Variants in CCBE1 observed in about 807,000 individuals in gnomAD.
The protein encoded by CCBE1 is collagen and calcium binding EGF domains 1.
A neutral mutation model predicts 50.0 loss-of-function variants in CCBE1; 37 were observed. That is an observed-to-expected ratio of 0.74 (90% CI 0.57 to 0.97). The LOEUF is 0.97. Among genes scored for constraint, CCBE1 ranks in the 50% least tolerant of loss-of-function variants. CCBE1 has a pLI of 0.00. For synonymous variants in CCBE1, 234 were observed against 203.7 expected, an observed-to-expected ratio of 1.15 and a Z score of -1.27; for missense variants, 538 against 523.8, an observed-to-expected ratio of 1.03 and a Z score of -0.26.
At chr18:59,697,616 TTG>T, upstream of CCBE1, 1 of 453,712 alleles carries the variant, frequency 2.2e-6, no homozygotes, top group South Asian at 2.6e-5. Flanking sequence ...GAGGTTCAAG[TTG>T]TCTCGTCGGG....
intron 2 of CCBE1, among the ~76,000 whole-genome samples, chr18:59,643,462 T>A (rs12957543): frequency 0.45 from 68,675 of 151,894 alleles, 17,189 homozygotes; most frequent in Non-Finnish European, 0.56. Flanking sequence ...GGATGGAAGG[T>A]GTTCTTTGTT....
chr18:59,442,936 A>T (rs868627276), intron 7 of CCBE1, among the ~76,000 whole-genome samples: 6 of 151,968 alleles, frequency 3.9e-5, no homozygotes, highest in African/African-American at 1.5e-4. Context: ...TCCCCTGCCC[A>T]GCTCCCTTCT....
Position 59,586,594 on chromosome 18 carries a change from G to T in CCBE1, c.213-106356C>A, listed in dbSNP as rs145170680. Among the ~76,000 whole-genome samples, 5 of 152,260 alleles carry T rather than the reference G, an allele frequency of 3.3e-5. No individual in the cohort carries two copies. The East Asian group carries it at 9.6e-4, about 29-fold the overall frequency. ...ATCAGAAATGTAATACTCTCCTACG[G>T]CCAAGGAGGAAAGAACATCTGCGAT... is the stretch of plus-strand genomic sequence containing the variant. On this transcript the variant is annotated intron_variant, in intron 2 of 10. Coordinates refer to ENST00000439986, the MANE Select transcript of CCBE1 (RefSeq NM_133459.4).
Position 59,599,355 on chromosome 18 carries a change from G to A in CCBE1, c.212+97274C>T, listed in dbSNP as rs138679245. On this transcript the variant is annotated intron_variant, in intron 2 of 10. Transcript: ENST00000439986. ...AAGATAATATATATGCAAGCACTCA[G>A]TTGAGAAAACATGCAGTTTGGAATC... 7.0e-3 allele frequency among the ~76,000 whole-genome samples: 1,060 copies of A among 152,276 alleles called. 11 individuals are homozygous for A. Among genetic ancestry groups the A allele is most frequent in the African/African-American group, 0.024 (978 of 41,556 alleles).
At chr18:59,505,540 A>T (rs1913830336) in intron 2 of CCBE1, among the ~76,000 whole-genome samples, 1 of 152,250 alleles carries the variant, frequency 6.6e-6, no homozygotes, top group Non-Finnish European at 1.5e-5. Flanking sequence ...TCCTCTAAGG[A>T]TGAGCTTTAA....
intron 2 of CCBE1, among the ~76,000 whole-genome samples, chr18:59,482,192 T>C (rs1912603305): frequency 6.6e-6 from 1 of 152,218 alleles, no homozygotes; most frequent in South Asian, 2.1e-4. Context: ...TCCACTTTCA[T>C]CCATGTCCCT....
chr18:59,651,327 A>G (rs543439013), intron 2 of CCBE1, among the ~76,000 whole-genome samples: 10 of 152,306 alleles, frequency 6.6e-5, no homozygotes, highest in Non-Finnish European at 1.3e-4. Context: ...TTGGAAAATG[A>G]GCGTCCATAC....
intron 2 of CCBE1, among the ~76,000 whole-genome samples, chr18:59,565,615 A>C (rs1221597351): frequency 6.6e-6 from 1 of 152,200 alleles, no homozygotes; most frequent in African/African-American, 2.4e-5. Flanking sequence ...CCTATGGGAC[A>C]CCTCATTTAA....
intron 2 of CCBE1, among the ~76,000 whole-genome samples, chr18:59,664,405 A>C (rs1244835785): frequency 1.3e-5 from 2 of 152,200 alleles, no homozygotes; most frequent in African/African-American, 4.8e-5. Flanking sequence ...CTGAGGATAA[A>C]GTAAATGGGA....
intron 2 of CCBE1, among the ~76,000 whole-genome samples, chr18:59,537,373 G>A (rs916751996): frequency 6.6e-6 from 1 of 152,132 alleles, no homozygotes; most frequent in African/African-American, 2.4e-5. Context: ...ATTCCCACGT[G>A]TTGTGGGAAG....
chr18:59,529,823 A>T (rs1914979526), intron 2 of CCBE1, among the ~76,000 whole-genome samples: 1 of 152,190 alleles, frequency 6.6e-6, no homozygotes, highest in African/African-American at 2.4e-5. Flanking sequence ...CCCTGGTGGC[A>T]TTGAAATATC....
chr18:59,599,333 AT>A (rs2053399155), intron 2 of CCBE1, among the ~76,000 whole-genome samples: 1 of 152,198 alleles, frequency 6.6e-6, no homozygotes, highest in Non-Finnish European at 1.5e-5. Flanking sequence ...ATTTTAAAAG[AT>A]AATATATATG....
intron 2 of CCBE1, among the ~76,000 whole-genome samples, chr18:59,541,123 A>T (rs1462958673): frequency 2.0e-5 from 3 of 152,238 alleles, no homozygotes; most frequent in Admixed American, 2.0e-4. Context: ...AGCCATAATG[A>T]CATTATAATT....
At chr18:59,594,224 T>C (rs2053317857) in intron 2 of CCBE1, among the ~76,000 whole-genome samples, 1 of 152,234 alleles carries the variant, frequency 6.6e-6, no homozygotes, top group South Asian at 2.1e-4. Flanking sequence ...CTTCCCTCCG[T>C]CCTCCTTCTA....
chr18:59,591,932 G>T lies in CCBE1; in HGVS notation c.212+104697C>A, dbSNP rs12607004. 2.1e-3 allele frequency among the ~76,000 whole-genome samples: 315 copies of T among 152,296 alleles called. 4 individuals carry two copies. In the East Asian group the frequency reaches 0.032, roughly 15 times the overall value. On this transcript the variant is annotated intron_variant, in intron 2 of 10. Transcript: ENST00000439986. ...GGTTAAGCCTCCTTAAACCAAAAAT[G>T]CAAAATGCTCCAAAATCTAAAACTT... is the stretch of plus-strand genomic sequence containing the variant.
intron 2 of CCBE1, among the ~76,000 whole-genome samples, chr18:59,543,602 G>A (rs987983321): frequency 3.9e-5 from 6 of 152,108 alleles, no homozygotes; most frequent in African/African-American, 7.2e-5. Context: ...TTGAGAGGCC[G>A]AGGCGGGCAG....
chr18:59,439,568 C>G lies in CCBE1; in HGVS notation c.926G>C (p.Gly309Ala). 1 of 1,614,262 alleles carries G rather than the reference C, an allele frequency of 6.2e-7. No individual in the cohort carries two copies. The highest frequency in any genetic ancestry group is 8.5e-7 in the Non-Finnish European group (1 of 1,180,044). ...CTTAGAACCATCTCTTCCTGGTGCC[C>G]CTGGTGGACCCTGTAATACAAAAGG... Reference protein sequence around the residue: ...QGRRGPVGPPGAPGRDGSKGE... With the variant: ...QGRRGPVGPPAAPGRDGSKGE... The change falls in exon 9 of 11, where the codon GGG (glycine) becomes GCG (alanine). Residue 309 changes from glycine to alanine, a missense_variant. Coordinates refer to ENST00000439986, the MANE Select transcript of CCBE1 (RefSeq NM_133459.4).
intron 2 of CCBE1, among the ~76,000 whole-genome samples, chr18:59,658,174 T>C (rs1363441573): frequency 6.7e-6 from 1 of 149,380 alleles, no homozygotes; most frequent in Non-Finnish European, 1.5e-5. Context: ...AACAAATACA[T>C]GTAGAGACCA....
intron 2 of CCBE1, among the ~76,000 whole-genome samples, chr18:59,607,777 A>G (rs552104320): frequency 6.6e-6 from 1 of 152,284 alleles, no homozygotes; most frequent in African/African-American, 2.4e-5. Flanking sequence ...TACCTTATTT[A>G]AAAATGGGGA....
Sources: gnomAD v4.1 joint callset for allele counts (sites outside exome capture counted in the v4.1 genomes callset) on GRCh38, gnomAD v4.1.1 for gene constraint, MANE v1.5 for transcripts, NCBI Gene and HGNC (gene_info 2026-07-23, HGNC 2026-07-21) for gene names.